PKHD1: variants seen among roughly 807,000 people sequenced by gnomAD.
PKHD1 encodes the protein PKHD1 ciliary IPT domain containing fibrocystin/polyductin.
Under a neutral mutation model 412.0 loss-of-function variants are expected in PKHD1, and 291 were observed. That is an observed-to-expected ratio of 0.71 (90% CI 0.64 to 0.78). The LOEUF is 0.78. Among genes scored for constraint, PKHD1 ranks in the 30% least tolerant of loss-of-function variants. The pLI is 0.00. For missense variants in PKHD1, 4,825 were observed against 4,950.7 expected (o/e 0.97, Z 0.76); for synonymous variants, 1,777 against 1,821.5 (o/e 0.98, Z 0.62).
chr6:51,717,124 G>C (rs1781362627), intron 60 of PKHD1, among the ~76,000 whole-genome samples: 1 of 152,186 alleles, frequency 6.6e-6, no homozygotes, highest in Non-Finnish European at 1.5e-5. Flanking sequence ...CGACATTCCA[G>C]TCAACAATGG....
At chr6:51,998,114 G>A (rs945573653) in intron 35 of PKHD1, among the ~76,000 whole-genome samples, 4 of 151,990 alleles carry the variant, frequency 2.6e-5, no homozygotes, top group African/African-American at 9.7e-5. Flanking sequence ...CTTATGTCTT[G>A]TTCACACAAC....
At chr6:51,658,838 TA>T in intron 61 of PKHD1, 113 bp downstream of exon 61, 1 of 744,760 alleles carries the variant, frequency 1.3e-6, no homozygotes. Context: ...ATTCTTATCT[TA>T]AAAAGCAGAT....
At chr6:52,005,806 C>T (rs553156543) in intron 35 of PKHD1, among the ~76,000 whole-genome samples, 5 of 152,000 alleles carry the variant, frequency 3.3e-5, no homozygotes, top group South Asian at 2.1e-4. Flanking sequence ...ATTGAAGGAT[C>T]GCAAAAGTCC....
chr6:51,911,858 T>A lies in PKHD1; in HGVS notation c.6431A>T (p.Asn2144Ile). The A allele has an allele frequency of 6.2e-7, 1 of 1,612,240 alleles. No individual in the cohort carries two copies. Among genetic ancestry groups the A allele is most frequent in the Non-Finnish European group, 8.5e-7 (1 of 1,178,470 alleles). Residue 2144 changes from asparagine (N) to isoleucine (I), a missense_variant, in exon 39 of 67, where the codon AAT (asparagine) becomes ATT (isoleucine). Asn to Ile is a moderately radical substitution (Grantham distance 149, BLOSUM62 -3). Coordinates refer to ENST00000371117, the MANE Select transcript of PKHD1 (RefSeq NM_138694.4). ...LLSRSITIQG[N>I]LTNEREKLLV... ...CAGCTTCTCCCTCTCATTAGTGAGA[T>A]TTCCTTGTATGGTAATACTCCTGCT...
chr6:51,748,617 A>C lies in PKHD1; in HGVS notation c.8999T>G (p.Leu3000Trp), dbSNP rs1276719315. The C allele has an allele frequency of 6.2e-7, 1 of 1,613,700 alleles. No individual in the cohort carries two copies. The highest frequency in any genetic ancestry group is 1.3e-5 in the African/African-American group (1 of 74,906). The change falls in exon 58 of 67, where the codon TTG becomes TGG. Residue 3000 changes from leucine (L) to tryptophan (W), a missense_variant. Leu to Trp is a moderately conservative substitution (Grantham distance 61). Coordinates refer to ENST00000371117, the MANE Select transcript of PKHD1 (RefSeq NM_138694.4). ...NVEIQNFGSPLYSSVEFSNVS... is the reference protein window; with the variant it reads ...NVEIQNFGSPWYSSVEFSNVS... The stretch of plus-strand genomic sequence containing the variant: ...ATTACTGAATTCAACAGATGAGTAC[A>C]ATGGTGACCCGAAGTTCTGAATTTC...
chr6:52,052,236 GC>G (rs1206026067), intron 21 of PKHD1, among the ~76,000 whole-genome samples: 1 of 152,172 alleles, frequency 6.6e-6, no homozygotes, highest in Non-Finnish European at 1.5e-5. Flanking sequence ...GGAAACATGA[GC>G]AAAAGTTGGA....
At chr6:51,792,072 T>G (rs528235878) in intron 52 of PKHD1, among the ~76,000 whole-genome samples, 1 of 152,320 alleles carries the variant, frequency 6.6e-6, no homozygotes, top group Non-Finnish European at 1.5e-5. Flanking sequence ...TTATAGTGCT[T>G]ACTGGACAAT....
chr6:51,866,625 C>T (rs565955277), intron 48 of PKHD1, among the ~76,000 whole-genome samples: 129 of 152,212 alleles, frequency 8.5e-4, no homozygotes, highest in Non-Finnish European at 1.5e-3. Flanking sequence ...ATCAGGAACA[C>T]GCAGAAATAA....
At chr6:51,925,867 C>A (rs528759998) in intron 37 of PKHD1, among the ~76,000 whole-genome samples, 1 of 150,956 alleles carries the variant, frequency 6.6e-6, no homozygotes, top group African/African-American at 2.4e-5. Context: ...TCAAATGGGG[C>A]GAAAGTTAAT....
At chr6:51,909,769 T>C (rs1489644989) in intron 39 of PKHD1, among the ~76,000 whole-genome samples, 2 of 152,102 alleles carry the variant, frequency 1.3e-5, no homozygotes, top group African/African-American at 2.4e-5. Context: ...CCTAAATAGA[T>C]GCTTATTTCA....
At chr6:51,745,414 T>C (rs1460099833) in intron 59 of PKHD1, among the ~76,000 whole-genome samples, 1 of 152,178 alleles carries the variant, frequency 6.6e-6, no homozygotes, top group African/African-American at 2.4e-5. Context: ...TTCTCCTATG[T>C]GAGAACACAG....
chr6:51,662,053 A>T (rs925706105), intron 60 of PKHD1, among the ~76,000 whole-genome samples: 2 of 152,012 alleles, frequency 1.3e-5, no homozygotes, highest in African/African-American at 4.8e-5. Flanking sequence ...AACAGGGATG[A>T]TTAAAAGTCA....
chr6:52,085,621 A>G (rs1812666912), intron 1 of PKHD1, among the ~76,000 whole-genome samples: 1 of 151,982 alleles, frequency 6.6e-6, no homozygotes, highest in African/African-American at 2.4e-5. Context: ...CTGAACCTCT[A>G]ACTTCCGTGC....
intron 37 of PKHD1, among the ~76,000 whole-genome samples, chr6:51,919,991 T>C (rs1232714448): frequency 1.3e-5 from 2 of 152,280 alleles, no homozygotes; most frequent in Non-Finnish European, 2.9e-5. Context: ...CCTGAGATTT[T>C]GCTGAAGTTG....
At chr6:52,052,018 T>C (rs75520503) in intron 21 of PKHD1, among the ~76,000 whole-genome samples, 3,118 of 152,314 alleles carry the variant, frequency 0.02, 65 homozygotes, top group Middle Eastern at 0.1. Context: ...GATGATGTAA[T>C]TTCAAGGCTG....
At chr6:52,085,342 T>C (rs992432569) in intron 1 of PKHD1, among the ~76,000 whole-genome samples, 3 of 152,234 alleles carry the variant, frequency 2.0e-5, no homozygotes, top group African/African-American at 7.2e-5. Context: ...GGGTGAAGTC[T>C]GTTTTGCTTT....
intron 22 of PKHD1, among the ~76,000 whole-genome samples, chr6:52,049,861 G>A (rs769030780): frequency 8.5e-5 from 13 of 152,118 alleles, no homozygotes; most frequent in Non-Finnish European, 1.3e-4. Context: ...TAACTGACTC[G>A]GAATTAGTTC....
rs142737375 is a variant in PKHD1, at chr6:51,893,636, G to C, written c.6997-6391C>G. 2.5e-3 allele frequency among the ~76,000 whole-genome samples: 377 copies of C among 152,324 alleles called. 3 individuals are homozygous for C. Among genetic ancestry groups the C allele is most frequent in the African/African-American group, 8.1e-3 (337 of 41,574 alleles). On this transcript the variant is annotated intron_variant, in intron 43 of 66. Coordinates refer to ENST00000371117, the MANE Select transcript of PKHD1 (RefSeq NM_138694.4). ...TAAGGCAAGCAGGGAATTTTGTGTG[G>C]AAATCAATTATTTGCGGAAGTCAAT...
At chr6:51,680,295 G>T (rs1036901532) in intron 60 of PKHD1, among the ~76,000 whole-genome samples, 1 of 151,810 alleles carries the variant, frequency 6.6e-6, no homozygotes, top group Non-Finnish European at 1.5e-5. Flanking sequence ...AAACCATTAC[G>T]ATTAATTTCA....
Sources: gnomAD v4.1 joint callset for allele counts (sites outside exome capture counted in the v4.1 genomes callset) on GRCh38, gnomAD v4.1.1 for gene constraint, MANE v1.5 for transcripts, NCBI Gene and HGNC (gene_info 2026-07-23, HGNC 2026-07-21) for gene names.